Variants in RYR1 observed in about 807,000 individuals in gnomAD.
RYR1 encodes the protein central core disease of muscle.
In RYR1, 342 loss-of-function variants were observed where a neutral mutation model predicts 583.5. The ratio of observed to expected loss-of-function variants is 0.59; its 90% CI spans 0.54 to 0.64. The LOEUF (loss-of-function observed/expected upper bound fraction) is 0.64. RYR1 is among the 30% of genes least tolerant of loss of function. The pLI is 0.00. For missense variants in RYR1, 6,032 were observed against 6,917.2 expected (o/e 0.87, Z 4.54); for synonymous variants, 2,791 against 2,822.5 (o/e 0.99, Z 0.35).
At chr19:38,475,573 C>T in intron 29 of RYR1, 123 bp downstream of exon 29, 3 of 1,181,606 alleles carry the variant, frequency 2.5e-6, no homozygotes, top group Admixed American at 1.9e-5. Context: ...CCCCAATATA[C>T]ACTAGAAACT....
intron 37 of RYR1, among the ~76,000 whole-genome samples, chr19:38,492,226 A>G (rs955614612): frequency 3.3e-5 from 5 of 152,040 alleles, no homozygotes; most frequent in Non-Finnish European, 7.4e-5. Flanking sequence ...TTAACAGGGC[A>G]TGGTGGCATA....
Position 38,551,025 on chromosome 19 carries a change from C to CTTTTTTTT in RYR1, c.12282+2637_12282+2644dup, listed in dbSNP as rs71165560. On this transcript the variant is annotated intron_variant, in intron 89 of 105. Coordinates refer to ENST00000359596, the MANE Select transcript of RYR1 (RefSeq NM_000540.3). ...CATTTATATCAGTGTGGATTCACGG[C>CTTTTTTTT]TTTTTTTTTTTTTTTTTTTTTTTTT... Among the ~76,000 whole-genome samples, 16 of 41,358 alleles carry CTTTTTTTT rather than the reference C, an allele frequency of 3.9e-4. 4 individuals carry two copies. Among genetic ancestry groups the CTTTTTTTT allele is most frequent in the Middle Eastern group, 0.022 (1 of 46 alleles). 27.1% of individuals were successfully genotyped at this position (41,358 alleles called of 152,430 possible).
At chr19:38,557,149 G>A (rs977471298) in intron 89 of RYR1, among the ~76,000 whole-genome samples, 1 of 148,924 alleles carries the variant, frequency 6.7e-6, no homozygotes, top group Non-Finnish European at 1.5e-5. Context: ...CGCCTCCCAG[G>A]TTCAAGCGAT....
rs1316906057 is a variant in RYR1 at position 38,499,812 on chromosome 19, G to A, written c.7205G>A (p.Arg2402Gln). The A allele has an allele frequency of 3.7e-6, 6 of 1,605,660 alleles. No homozygotes were observed. Among genetic ancestry groups the A allele is most frequent in the Admixed American group, 1.7e-5 (1 of 59,824 alleles). Residue 2402 changes from arginine (R) to glutamine (Q), a missense_variant, in exon 44 of 106, where the codon CGG becomes CAG. This residue lies in a region of RYR1 where 2,627 missense variants were observed against 2,961.3 expected (regional missense o/e 0.89). Transcript: ENST00000359596. This position sits in a 1 kb window ranked among gnomAD's most constrained non-coding sequence, Gnocchi z 7.3. ...RDGPGIRRDRRREHFGEEPPE... is the reference protein window; with the variant it reads ...RDGPGIRRDRQREHFGEEPPE... ...GGCCCAGGCATCCGCAGGGACCGGC[G>A]GCGCGAGCAGTGAGTCTCCCGGCCC...
rs201649680 is a variant in RYR1, at chr19:38,494,430, G to C, written c.6353G>C (p.Arg2118Pro). 1.6e-5 allele frequency: 26 copies of C among 1,612,282 alleles called. 1 individual carries two copies. The Middle Eastern group carries it at 6.3e-4, about 39-fold the overall frequency. The change falls in exon 39 of 106, where the codon CGG becomes CCG. Residue 2118 changes from arginine (R) to proline (P), a missense_variant. Coordinates refer to ENST00000359596, the MANE Select transcript of RYR1 (RefSeq NM_000540.3). ...TTCGTGCAGAGCCCCGAGCTGGTGC[G>C]GGCCATGTTCAGCCTCCTGCACCGG... ...EDFVQSPELV[R>P]AMFSLLHRQY...
intron 84 of RYR1, among the ~76,000 whole-genome samples, chr19:38,541,639 C>G (rs549668377): frequency 1.1e-4 from 16 of 148,794 alleles, no homozygotes; most frequent in Non-Finnish European, 2.4e-4. Context: ...TTGCTTGAAC[C>G]TGGGAGGCAG....
intron 84 of RYR1, among the ~76,000 whole-genome samples, chr19:38,539,431 A>G (rs1016339120): frequency 1.3e-5 from 2 of 151,526 alleles, no homozygotes; most frequent in African/African-American, 2.4e-5. Context: ...TAGAGATGAG[A>G]TCTCACTGTG....
intron 75 of RYR1, 103 bp from the exon 76 acceptor site, chr19:38,528,848 A>G: frequency 6.9e-7 from 1 of 1,452,930 alleles, no homozygotes; most frequent in Non-Finnish European, 9.6e-7. Flanking sequence ...AGGGCGCAGG[A>G]TGTGGGAAAA....
chr19:38,578,002 G>A lies in RYR1; in HGVS notation c.14257G>A (p.Ala4753Thr), dbSNP rs138156449. ...GGACCTGGCCACACTAGAGATCACAGCCCACAATGAGCGCAAGCCCAACCC... is the reference window on the plus strand; with the variant it reads ...GGACCTGGCCACACTAGAGATCACAACCCACAATGAGCGCAAGCCCAACCC... The part of the protein sequence containing the change: ...GMDLATLEIT[A>T]HNERKPNPPP... Residue 4753 changes from alanine to threonine, a missense_variant, in exon 98 of 106, where the codon GCC (alanine) becomes ACC (threonine). Physicochemically the swap from Ala to Thr is moderately conservative, Grantham distance 58 (BLOSUM62 0). Around this residue, in one of 11 missense-constraint regions of RYR1, gnomAD observed 188 missense variants for 215.6 expected, o/e 0.87. Coordinates refer to ENST00000359596, the MANE Select transcript of RYR1 (RefSeq NM_000540.3). The A allele has an allele frequency of 1.3e-4, 212 of 1,614,084 alleles. 1 individual carries two copies. The African/African-American group carries it at 2.6e-3, about 19-fold the overall frequency.
At position 38,586,073 on chromosome 19, in the gene RYR1, G is replaced by A. The variant is rs1348655158; in HGVS notation, c.14869-18G>A. On this transcript the variant is annotated intron_variant, in intron 103 of 105. Coordinates refer to ENST00000359596, the MANE Select transcript of RYR1 (RefSeq NM_000540.3). ...GGGTCAAGTGGGCCTCCACTCTGAT[G>A]TCTCTTGCCACTCACAGACCAAGTG... The A allele has an allele frequency of 1.9e-6, 3 of 1,614,094 alleles. No individual in the cohort carries two copies. The highest frequency in any genetic ancestry group is 3.3e-5 in the Admixed American group (2 of 59,988).
intron 19 of RYR1, among the ~76,000 whole-genome samples, chr19:38,459,674 C>T (rs974107699): frequency 2.3e-5 from 3 of 130,828 alleles, no homozygotes; most frequent in Non-Finnish European, 5.1e-5. Flanking sequence ...ATCTGATGAT[C>T]TCATGACTCC....
intron 24 of RYR1, among the ~76,000 whole-genome samples, chr19:38,467,274 C>T (rs1600714092): frequency 6.6e-6 from 1 of 152,154 alleles, no homozygotes; most frequent in Non-Finnish European, 1.5e-5. Flanking sequence ...GGTCTCAGCC[C>T]TTCATTCTAA....
In RYR1 at chr19:38,519,214, T is replaced by C. The variant is rs765507146; in HGVS notation, c.10019T>C (p.Val3340Ala). Residue 3340 changes from valine to alanine, a missense_variant and splice_region_variant, in exon 67 of 106, where the codon GTG becomes GCG. Coordinates refer to ENST00000359596, the MANE Select transcript of RYR1 (RefSeq NM_000540.3). ...ATCAGAGCCCATCGCACCCCTGCAG[T>C]GTTCGCACAGCCCATTGTGAGCCGT... ...DEASWMKRLA[V>A]FAQPIVSRAR... The C allele has an allele frequency of 2.5e-6, 4 of 1,614,058 alleles. No homozygotes were observed. Among genetic ancestry groups the C allele is most frequent in the Non-Finnish European group, 3.4e-6 (4 of 1,179,992 alleles).
intron 37 of RYR1, among the ~76,000 whole-genome samples, chr19:38,491,392 T>C (rs989505816): frequency 1.4e-4 from 22 of 152,166 alleles, no homozygotes; most frequent in African/African-American, 5.3e-4. Context: ...ATTGGTACAC[T>C]TGATGGCATC....
chr19:38,515,984 T>C, intron 64 of RYR1, 103 bp from the exon 65 acceptor site: 1 of 1,391,534 alleles, frequency 7.2e-7, no homozygotes, highest in South Asian at 1.4e-5. Flanking sequence ...GGCAGCTCTG[T>C]CCCAAAGGGT....
chr19:38,586,459 A>G, intron 104 of RYR1, 66 bp from the exon 105 acceptor site: 3 of 1,510,616 alleles, frequency 2.0e-6, no homozygotes, highest in Non-Finnish European at 2.8e-6. Context: ...CCTCTCTACT[A>G]TAAATGAAAA....
chr19:38,508,820 G>A (rs1484577272), intron 58 of RYR1, among the ~76,000 whole-genome samples: 1 of 152,154 alleles, frequency 6.6e-6, no homozygotes, highest in African/African-American at 2.4e-5. Context: ...GAATGAGATG[G>A]AGTTGGGGGT....
chr19:38,541,254 G>A (rs1291607686), intron 84 of RYR1, among the ~76,000 whole-genome samples: 2 of 152,206 alleles, frequency 1.3e-5, no homozygotes, highest in African/African-American at 4.8e-5. Flanking sequence ...GTGCAGCCAA[G>A]GTTGAGAGGA....
At position 38,573,387 on chromosome 19, in the gene RYR1, A is replaced by T. The variant is rs147390071; in HGVS notation, c.14129+80A>T. The T allele has an allele frequency of 5.3e-4, 825 of 1,547,278 alleles. 2 individuals are homozygous for T. The African/African-American group carries it at 9.3e-3, about 17-fold the overall frequency. On this transcript the variant is annotated intron_variant, in intron 96 of 105. Transcript: ENST00000359596. ...CCCAGTCCAGGCCTGGACCCCAAAA[A>T]ACTAGGGTTTCGGTCCGGGCACGGT...
Sources: gnomAD v4.1 joint callset for allele counts (sites outside exome capture counted in the v4.1 genomes callset) on GRCh38, gnomAD v4.1.1 for gene constraint, gnomAD v4.1.1 regional missense constraint, Gnocchi (gnomAD v3.1) non-coding constraint, MANE v1.5 for transcripts, NCBI Gene and HGNC (gene_info 2026-07-23, HGNC 2026-07-21) for gene names.